Variants in FHIT observed in about 807,000 individuals in gnomAD.
FHIT encodes bis(5'-adenosyl)-triphosphatase.
Under a neutral mutation model 17.9 loss-of-function variants are expected in FHIT, and 19 were observed. The observed-to-expected ratio is 1.06, with a 90% CI of 0.74 to 1.56. The LOEUF (loss-of-function observed/expected upper bound fraction) is 1.56, where lower values mean the gene tolerates loss of function less well. Among genes scored for constraint, FHIT ranks in the 40% most tolerant of loss-of-function variants. The pLI is 0.00. For missense variants in FHIT, 248 were observed against 189.2 expected (o/e 1.31, Z -1.82); for synonymous variants, 81 against 69.7 (o/e 1.16, Z -0.81).
intron 1 of FHIT, among the ~76,000 whole-genome samples, chr3:61,237,559 G>A (rs1290011781): frequency 6.6e-6 from 1 of 152,178 alleles, no homozygotes; most frequent in Non-Finnish European, 1.5e-5. Flanking sequence ...TATGGGAAAG[G>A]TTTAGTTATG....
At chr3:59,750,858 A>C (rs2077774) in intron 9 of FHIT, 97,491 of 203,386 alleles carry the variant, frequency 0.48, 26,271 homozygotes, top group East Asian at 0.73. Flanking sequence ...GCTAAAAATC[A>C]TGATCACTAA....
chr3:59,796,191 A>G (rs1699770898), intron 8 of FHIT, among the ~76,000 whole-genome samples: 1 of 152,164 alleles, frequency 6.6e-6, no homozygotes, highest in Admixed American at 6.5e-5. Flanking sequence ...CCTGTGTCCA[A>G]CACATATGGC....
At chr3:60,057,937 T>G (rs1016094841) in intron 5 of FHIT, among the ~76,000 whole-genome samples, 6 of 151,418 alleles carry the variant, frequency 4.0e-5, no homozygotes, top group Non-Finnish European at 7.4e-5. Context: ...TCTCAGTGAC[T>G]GGTTTTCTGC....
intron 5 of FHIT, among the ~76,000 whole-genome samples, chr3:60,531,837 T>A (rs1407800630): frequency 1.3e-5 from 2 of 152,222 alleles, no homozygotes; most frequent in African/African-American, 4.8e-5. Flanking sequence ...AAACTTAACA[T>A]TGCTCTTTGG....
In FHIT at chr3:59,812,452, C is replaced by T. The variant is rs1375040840; in HGVS notation, c.349-60131G>A. On this transcript the variant is annotated intron_variant, in intron 8 of 9. Transcript: ENST00000492590. ...AGCTGCCTAAAAGCCAAGCGCTGGG[C>T]ATTTTTATGTTGCAGCTAAGGCCAG... Among the ~76,000 whole-genome samples, 4 of 152,242 alleles carry T rather than the reference C, an allele frequency of 2.6e-5. No individual in the cohort carries two copies. The East Asian group carries it at 7.7e-4, about 29-fold the overall frequency.
rs1036302066 is a variant in FHIT at position 60,381,947 on chromosome 3, C to G, written c.103+154913G>C. Among the ~76,000 whole-genome samples the G allele has an allele frequency of 6.7e-5, 10 of 148,858 alleles. 1 individual carries two copies. The highest frequency in any genetic ancestry group is 4.7e-4 in the Admixed American group (7 of 14,804). On this transcript the variant is annotated intron_variant, in intron 5 of 9. Coordinates refer to ENST00000492590, the MANE Select transcript of FHIT (RefSeq NM_002012.4). ...TGTCCAATATGGTAGGTGGTAACTACAAGTAGGTATTTACATTAAAATTAA... is the reference window on the plus strand; with the variant it reads ...TGTCCAATATGGTAGGTGGTAACTAGAAGTAGGTATTTACATTAAAATTAA...
At chr3:61,048,692 G>A (rs936498198) in intron 2 of FHIT, among the ~76,000 whole-genome samples, 11 of 152,034 alleles carry the variant, frequency 7.2e-5, no homozygotes, top group Non-Finnish European at 1.3e-4. Context: ...TGTTTATTGC[G>A]GCACGATTCA....
chr3:61,092,928 C>G (rs903626755), intron 2 of FHIT, among the ~76,000 whole-genome samples: 8 of 152,134 alleles, frequency 5.3e-5, no homozygotes, highest in Non-Finnish European at 1.2e-4. Context: ...AAATCCCAAA[C>G]AATGAAAATA....
intron 8 of FHIT, among the ~76,000 whole-genome samples, chr3:59,870,848 G>A (rs1214759075): frequency 6.9e-6 from 1 of 144,062 alleles, no homozygotes; most frequent in Non-Finnish European, 1.5e-5. Flanking sequence ...ATCATCCATA[G>A]TAAAGGGCGT....
At chr3:60,376,107 T>C (rs989622577) in intron 5 of FHIT, among the ~76,000 whole-genome samples, 9 of 152,308 alleles carry the variant, frequency 5.9e-5, no homozygotes, top group African/African-American at 2.2e-4. Context: ...CTTGGCATAT[T>C]TGCAGTTACA....
chr3:60,355,909 C>T (rs945383866), intron 5 of FHIT, among the ~76,000 whole-genome samples: 3 of 152,018 alleles, frequency 2.0e-5, no homozygotes, highest in Non-Finnish European at 4.4e-5. Flanking sequence ...TCTTTGTCTC[C>T]TTATGATGAT....
chr3:60,542,394 T>G (rs1318726583), intron 4 of FHIT, among the ~76,000 whole-genome samples: 1 of 152,220 alleles, frequency 6.6e-6, no homozygotes, highest in African/African-American at 2.4e-5. Flanking sequence ...TGCACCAGCT[T>G]GCACGCCCAG....
At chr3:61,199,856 G>T (rs17064624) in intron 2 of FHIT, among the ~76,000 whole-genome samples, 1 of 152,024 alleles carries the variant, frequency 6.6e-6, no homozygotes, top group South Asian at 2.1e-4. Context: ...TGATGAAACC[G>T]CAGCCCTATA....
At chr3:60,593,800 A>C (rs2038171270) in intron 4 of FHIT, among the ~76,000 whole-genome samples, 1 of 152,116 alleles carries the variant, frequency 6.6e-6, no homozygotes, top group Non-Finnish European at 1.5e-5. Flanking sequence ...AGAGACAGCC[A>C]ATGTGGAAAA....
At chr3:60,872,375 G>A (rs539751916) in intron 3 of FHIT, among the ~76,000 whole-genome samples, 4 of 152,188 alleles carry the variant, frequency 2.6e-5, no homozygotes, top group Admixed American at 6.5e-5. Context: ...CAATAAATAC[G>A]TACTTTCTGT....
At chr3:60,528,375 A>G (rs2035650742) in intron 5 of FHIT, among the ~76,000 whole-genome samples, 1 of 152,078 alleles carries the variant, frequency 6.6e-6, no homozygotes, top group Non-Finnish European at 1.5e-5. Context: ...ATATAAATAT[A>G]CTCTCCACTG....
intron 5 of FHIT, among the ~76,000 whole-genome samples, chr3:60,020,080 A>G (rs1374848013): frequency 6.6e-6 from 1 of 152,194 alleles, no homozygotes; most frequent in Admixed American, 6.5e-5. Flanking sequence ...ACACTGCCTC[A>G]TGAAACACAG....
chr3:60,325,926 G>A (rs550205859), intron 5 of FHIT, among the ~76,000 whole-genome samples: 2 of 152,310 alleles, frequency 1.3e-5, no homozygotes, highest in South Asian at 2.1e-4. Flanking sequence ...CATGACCGAC[G>A]TGATGGCAGG....
chr3:60,640,874 A>G (rs1553685130), intron 4 of FHIT, among the ~76,000 whole-genome samples: 6 of 152,232 alleles, frequency 3.9e-5, no homozygotes, highest in Admixed American at 3.3e-4. Context: ...TTTGCTTTAA[A>G]CATCAGCAAA....
Sources: gnomAD v4.1 joint callset for allele counts (sites outside exome capture counted in the v4.1 genomes callset) on GRCh38, gnomAD v4.1.1 for gene constraint, MANE v1.5 for transcripts, NCBI Gene and HGNC (gene_info 2026-07-23, HGNC 2026-07-21) for gene names.